Variants in STX8 observed in about 807,000 individuals in gnomAD.
The protein encoded by STX8 is syntaxin 8.
Under a neutral mutation model 37.5 loss-of-function variants are expected in STX8, and 23 were observed. The ratio of observed to expected loss-of-function variants is 0.61; its 90% CI spans 0.44 to 0.87. The LOEUF (loss-of-function observed/expected upper bound fraction) is 0.87, where lower values mean the gene tolerates loss of function less well. Among genes scored for constraint, STX8 ranks in the 40% least tolerant of loss-of-function variants. The pLI is 0.00. For missense variants in STX8, 313 were observed against 284.7 expected (o/e 1.10, Z -0.71); for synonymous variants, 115 against 99.1 (o/e 1.16, Z -0.95).
At chr17:9,524,084 G>A (rs1334197809) in intron 4 of STX8, among the ~76,000 whole-genome samples, 3 of 152,206 alleles carry the variant, frequency 2.0e-5, no homozygotes, top group African/African-American at 2.4e-5. Flanking sequence ...GAATGTGTAA[G>A]CTCCCTCGGG....
intron 7 of STX8, among the ~76,000 whole-genome samples, chr17:9,251,954 A>G (rs75860636): frequency 0.12 from 18,439 of 151,702 alleles, 1,287 homozygotes; most frequent in Non-Finnish European, 0.16. Context: ...ATCTGAGGTC[A>G]GGAGTTCGAG....
intron 6 of STX8, among the ~76,000 whole-genome samples, chr17:9,413,335 C>T (rs763227852): frequency 1.3e-5 from 2 of 152,196 alleles, no homozygotes; most frequent in African/African-American, 4.8e-5. Context: ...CATCAACTGG[C>T]AAGCACTGCC....
chr17:9,300,191 C>T (rs909524335), intron 7 of STX8, among the ~76,000 whole-genome samples: 1 of 151,960 alleles, frequency 6.6e-6, no homozygotes, highest in East Asian at 1.9e-4. Flanking sequence ...ATTAGCCGGG[C>T]ATGGTGGCGC....
At chr17:9,251,443 T>C (rs919938906) in intron 7 of STX8, among the ~76,000 whole-genome samples, 9 of 152,118 alleles carry the variant, frequency 5.9e-5, no homozygotes, top group Non-Finnish European at 1.3e-4. Context: ...GGCGACAAGG[T>C]ATAGCATAAC....
rs1905878088 is a variant in STX8 at position 9,471,832 on chromosome 17, G to A, written c.541+19997C>T. 2.6e-5 allele frequency among the ~76,000 whole-genome samples: 4 copies of A among 152,236 alleles called. No homozygotes were observed. In the South Asian group the frequency reaches 8.3e-4, roughly 32 times the overall value. On this transcript the variant is annotated intron_variant, in intron 6 of 7. Coordinates refer to ENST00000306357, the MANE Select transcript of STX8 (RefSeq NM_004853.3). ...CTGGTTTCCCCAGCACTTCAACCAG[G>A]AGCCTTTTCCCTTTGCTGATTTTGC...
intron 7 of STX8, among the ~76,000 whole-genome samples, chr17:9,375,075 AAAAAAAAAAAAG>A (rs1234401709): frequency 6.8e-6 from 1 of 146,572 alleles, no homozygotes; most frequent in Non-Finnish European, 1.5e-5. Flanking sequence ...AAAAAAAAAA[AAAAAAAAAAAAG>A]AAGAATTTTC....
chr17:9,278,277 C>T (rs550847720), intron 7 of STX8, among the ~76,000 whole-genome samples: 15 of 152,270 alleles, frequency 9.9e-5, no homozygotes, highest in South Asian at 2.1e-4. Context: ...GAGAAAACCC[C>T]GTCTCTACTA....
chr17:9,483,867 G>T (rs561825380), intron 6 of STX8, among the ~76,000 whole-genome samples: 14 of 152,182 alleles, frequency 9.2e-5, no homozygotes, highest in African/African-American at 3.4e-4. Flanking sequence ...CAGCATCTTG[G>T]GCACAGGCAG....
intron 7 of STX8, chr17:9,377,824 A>C (rs1163819365): frequency 6.6e-6 from 1 of 152,218 alleles, no homozygotes; most frequent in Non-Finnish European, 1.5e-5. Context: ...TGTGAGACGA[A>C]GCACCCAAAA....
At chr17:9,336,874 T>C (rs1486057782) in intron 7 of STX8, among the ~76,000 whole-genome samples, 1 of 152,252 alleles carries the variant, frequency 6.6e-6, no homozygotes, top group Non-Finnish European at 1.5e-5. Flanking sequence ...TTTCCATTCT[T>C]ATTCCTACAA....
At chr17:9,556,768 T>TATATATATATATACATAC (rs1567608996) in intron 3 of STX8, 3 of 61,030 alleles carry the variant, frequency 4.9e-5, no homozygotes, top group Admixed American at 2.0e-4. Flanking sequence ...TATATATATA[T>TATATATATATATACATAC]ATATATATAT....
rs561724105 is a variant in STX8, at chr17:9,404,674, C to T, written c.542-26021G>A. 5.1e-4 allele frequency among the ~76,000 whole-genome samples: 78 copies of T among 152,198 alleles called. No individual in the cohort carries two copies. In the South Asian group the frequency reaches 0.014, roughly 28 times the overall value. ...TTCACCATGTTGGCCAGGATGGTTT[C>T]GATCTCCTGACCTCGTGATCTGCCT... is the stretch of plus-strand genomic sequence containing the variant. On this transcript the variant is annotated intron_variant, in intron 6 of 7. Coordinates refer to ENST00000306357, the MANE Select transcript of STX8 (RefSeq NM_004853.3).
intron 7 of STX8, among the ~76,000 whole-genome samples, chr17:9,360,663 T>TAAAAA (rs59129684): frequency 1.5e-5 from 2 of 133,412 alleles, no homozygotes; most frequent in East Asian, 2.1e-4. Context: ...TTATTAGTGT[T>TAAAAA]AAAAAAAAAA....
intron 7 of STX8, among the ~76,000 whole-genome samples, chr17:9,346,603 G>A (rs1910541623): frequency 6.6e-6 from 1 of 152,188 alleles, no homozygotes; most frequent in East Asian, 1.9e-4. Context: ...GCTTATGCAT[G>A]CAGGTCTGAG....
intron 6 of STX8, among the ~76,000 whole-genome samples, chr17:9,425,624 T>C (rs556823204): frequency 2.6e-5 from 4 of 152,310 alleles, no homozygotes; most frequent in Admixed American, 2.6e-4. Flanking sequence ...TTCATTACAA[T>C]CCATCATGAT....
At chr17:9,326,816 T>A (rs1392805432) in intron 7 of STX8, among the ~76,000 whole-genome samples, 5 of 152,184 alleles carry the variant, frequency 3.3e-5, no homozygotes, top group African/African-American at 7.2e-5. Context: ...GACAGAGGCA[T>A]AACAGATTTA....
intron 6 of STX8, among the ~76,000 whole-genome samples, chr17:9,413,699 T>C (rs771840228): frequency 1.3e-5 from 2 of 151,960 alleles, no homozygotes; most frequent in Non-Finnish European, 1.5e-5. Context: ...ACAGAATAAA[T>C]AGGTGAATAC....
intron 4 of STX8, among the ~76,000 whole-genome samples, chr17:9,538,619 C>G (rs1459205343): frequency 6.6e-6 from 1 of 152,222 alleles, no homozygotes; most frequent in Non-Finnish European, 1.5e-5. Flanking sequence ...AATCTGCACT[C>G]TGAGAAAACG....
chr17:9,509,752 CAAGAT>C (rs142325073), intron 4 of STX8, among the ~76,000 whole-genome samples: 3,650 of 151,514 alleles, frequency 0.024, 148 homozygotes, highest in African/African-American at 0.084. Context: ...AATAAAATGA[CAAGAT>C]AAGTCCTCAC....
Sources: gnomAD v4.1 joint callset for allele counts (sites outside exome capture counted in the v4.1 genomes callset) on GRCh38, gnomAD v4.1.1 for gene constraint, MANE v1.5 for transcripts, NCBI Gene and HGNC (gene_info 2026-07-23, HGNC 2026-07-21) for gene names.